The following GTF2A1L variants were observed in gnomAD, a reference collection of about 807,000 sequenced individuals.
GTF2A1L encodes the protein TFIIA-alpha and beta-like factor.
In GTF2A1L, 48 loss-of-function variants were observed where a neutral mutation model predicts 49.7. That is an observed-to-expected ratio of 0.97 (90% CI 0.77 to 1.23). The LOEUF (loss-of-function observed/expected upper bound fraction) is 1.23, where lower values mean the gene tolerates loss of function less well. Ranked by LOEUF, GTF2A1L falls within the 50% of genes most tolerant of loss-of-function variation. GTF2A1L has a pLI of 0.00. For synonymous variants in GTF2A1L, 246 were observed against 193.5 expected (o/e 1.27, Z -2.25); for missense variants, 736 against 564.8 (o/e 1.30, Z -3.07).
chr2:48,630,250 C>T lies in GTF2A1L; in HGVS notation c.247+8960C>T, dbSNP rs575475696. Among the ~76,000 whole-genome samples the T allele has an allele frequency of 2.5e-4, 36 of 144,044 alleles. 4 individuals are homozygous for T. Among genetic ancestry groups the T allele is most frequent in the African/African-American group, 8.6e-4 (35 of 40,550 alleles). The allele number at this position is 144,044 out of a possible 152,430, so 94.5% of individuals were successfully genotyped here. On this transcript the variant is annotated intron_variant, in intron 3 of 8. Transcript: ENST00000403751. ...GTTATTGATTCTTGTATTCCATGAG[C>T]TTGGAGTGTTTCTCCATTTGTTTGT...
chr2:48,656,348 GTTTTTTTTTTTTTTT>G (rs367837291), intron 6 of GTF2A1L, among the ~76,000 whole-genome samples: 24 of 114,560 alleles, frequency 2.1e-4, no homozygotes, highest in Non-Finnish European at 3.9e-4. Context: ...CTTATTTTCT[GTTTTTTTTTTTTTTT>G]TTTTTTTTTT....
intron 6 of GTF2A1L, among the ~76,000 whole-genome samples, chr2:48,666,176 G>GTCATTGTA (rs546221444): frequency 1.9e-4 from 28 of 151,254 alleles, no homozygotes; most frequent in Non-Finnish European, 3.8e-4. Flanking sequence ...ACTTACCTGT[G>GTCATTGTA]TCATTGTATT....
chr2:48,661,400 C>T (rs1572758528), intron 6 of GTF2A1L, among the ~76,000 whole-genome samples: 1 of 151,462 alleles, frequency 6.6e-6, no homozygotes, highest in East Asian at 2.0e-4. Context: ...ATTATAGGTG[C>T]CCACCACCAC....
At chr2:48,647,313 T>G (rs560636973) in intron 6 of GTF2A1L, among the ~76,000 whole-genome samples, 19 of 152,310 alleles carry the variant, frequency 1.2e-4, no homozygotes, top group African/African-American at 4.3e-4. Context: ...GAAGATTCTT[T>G]CTTTATTGTT....
rs1322576026 is a variant in GTF2A1L at position 48,669,947 on chromosome 2, G to T, written c.1204G>T (p.Asp402Tyr). 6.2e-7 allele frequency: 1 copy of T among 1,613,992 alleles called. No individual in the cohort carries two copies. The highest frequency in any genetic ancestry group is 1.7e-5 in the Admixed American group (1 of 60,014). The change falls in exon 7 of 9, where the codon GAT becomes TAT. Residue 402 changes from aspartate to tyrosine, a missense_variant. Transcript: ENST00000403751. ...TGAGGATTCAGCCACAAACAGTAGT[G>T]ATAATGAAGACCCTCAAGTAAACAT... ...SNEDSATNSS[D>Y]NEDPQVNIVE...
At chr2:48,647,872 T>C (rs1677614534) in intron 6 of GTF2A1L, among the ~76,000 whole-genome samples, 1 of 152,124 alleles carries the variant, frequency 6.6e-6, no homozygotes, top group East Asian at 1.9e-4. Flanking sequence ...TTTACAAATA[T>C]AAAATACATC....
At chr2:48,618,338 A>G (rs1335517217) in intron 1 of GTF2A1L, among the ~76,000 whole-genome samples, 2 of 152,164 alleles carry the variant, frequency 1.3e-5, no homozygotes, top group Non-Finnish European at 2.9e-5. Flanking sequence ...AGTGTCTTTC[A>G]CTACCCGCCC....
chr2:48,669,514 G>T (rs1303837023), intron 6 of GTF2A1L, among the ~76,000 whole-genome samples: 1 of 152,010 alleles, frequency 6.6e-6, no homozygotes, highest in African/African-American at 2.4e-5. Context: ...TTGTAAGTGG[G>T]TTACTTTATT....
intron 6 of GTF2A1L, among the ~76,000 whole-genome samples, chr2:48,665,889 T>C (rs1466003213): frequency 6.6e-6 from 1 of 152,156 alleles, no homozygotes; most frequent in African/African-American, 2.4e-5. Flanking sequence ...TATTGACTAC[T>C]GAGAGAGGAA....
chr2:48,667,282 G>C (rs1678906817), intron 6 of GTF2A1L, among the ~76,000 whole-genome samples: 1 of 152,048 alleles, frequency 6.6e-6, no homozygotes, highest in Non-Finnish European at 1.5e-5. Flanking sequence ...TTGAATGTCA[G>C]ACATCTTATA....
intron 5 of GTF2A1L, among the ~76,000 whole-genome samples, chr2:48,645,872 T>C (rs1677472169): frequency 6.6e-6 from 1 of 151,862 alleles, no homozygotes; most frequent in Non-Finnish European, 1.5e-5. Context: ...AGGGTCTTGA[T>C]CTCCTGACCT....
chr2:48,668,828 C>T (rs866252232), intron 6 of GTF2A1L, among the ~76,000 whole-genome samples: 1 of 140,358 alleles, frequency 7.1e-6, no homozygotes, highest in Non-Finnish European at 1.5e-5. Context: ...GAGCGAGACC[C>T]CGCCTCAAAA....
chr2:48,666,130 T>C (rs1378554104), intron 6 of GTF2A1L, among the ~76,000 whole-genome samples: 3 of 152,200 alleles, frequency 2.0e-5, no homozygotes, highest in East Asian at 1.9e-4. Context: ...GATTAGTGTT[T>C]GCATGGTATG....
intron 1 of GTF2A1L, among the ~76,000 whole-genome samples, chr2:48,618,658 T>A (rs143317995): frequency 2.0e-5 from 3 of 152,364 alleles, no homozygotes; most frequent in East Asian, 3.9e-4. Context: ...TAATTATATG[T>A]GTTTTATGAT....
At chr2:48,674,064 C>G (rs748788291) in intron 8 of GTF2A1L, among the ~76,000 whole-genome samples, 1 of 152,056 alleles carries the variant, frequency 6.6e-6, no homozygotes, top group Non-Finnish European at 1.5e-5. Flanking sequence ...TGAATAATGC[C>G]TCTATGAACA....
At chr2:48,653,652 C>G (rs1677992570) in intron 6 of GTF2A1L, among the ~76,000 whole-genome samples, 1 of 152,068 alleles carries the variant, frequency 6.6e-6, no homozygotes. Flanking sequence ...GTGAATAAAG[C>G]CCCTGAAAGG....
intron 1 of GTF2A1L, among the ~76,000 whole-genome samples, chr2:48,619,134 C>T (rs560538821): frequency 6.6e-5 from 10 of 151,968 alleles, no homozygotes; most frequent in Non-Finnish European, 1.0e-4. Context: ...ATAGGTTTAC[C>T]CTGGGTCTTT....
Position 48,662,632 on chromosome 2 carries a change from A to G in GTF2A1L, c.979-7090A>G, listed in dbSNP as rs185298933. 2.7e-3 allele frequency among the ~76,000 whole-genome samples: 412 copies of G among 150,786 alleles called. 4 individuals are homozygous for G. The highest frequency in any genetic ancestry group is 3.6e-3 in the Non-Finnish European group (244 of 67,774). ...TATTGTTGAAAGATAATTTTGCCAG[A>G]TACAGAAATCTTGGTTGATCTTTTT... On this transcript the variant is annotated intron_variant, in intron 6 of 8. Coordinates refer to ENST00000403751, the MANE Select transcript of GTF2A1L (RefSeq NM_006872.5).
chr2:48,647,422 C>T (rs920403797), intron 6 of GTF2A1L, among the ~76,000 whole-genome samples: 13 of 152,092 alleles, frequency 8.5e-5, no homozygotes, highest in East Asian at 5.8e-4. Flanking sequence ...AGAGAAAATG[C>T]GTTTGTTTTA....
Sources: gnomAD v4.1 joint callset for allele counts (sites outside exome capture counted in the v4.1 genomes callset) on GRCh38, gnomAD v4.1.1 for gene constraint, MANE v1.5 for transcripts, NCBI Gene and HGNC (gene_info 2026-07-23, HGNC 2026-07-21) for gene names.